Variants in GRM7 observed in about 807,000 individuals in gnomAD.
GRM7 encodes the protein glutamate metabotropic receptor 7, also known as metabotropic glutamate receptor 7.
GRM7 carries 35 observed loss-of-function variants against 84.5 expected under a neutral mutation model. The observed-to-expected ratio is 0.41, with a 90% CI of 0.32 to 0.55. The LOEUF (loss-of-function observed/expected upper bound fraction) is 0.55, where lower values mean the gene tolerates loss of function less well. GRM7 is among the 20% of genes least tolerant of loss of function. The pLI, the probability that GRM7 is intolerant of heterozygous loss-of-function variation, is 0.19. For synonymous variants in GRM7, 487 were observed against 455.1 expected (o/e 1.07, Z -0.89); for missense variants, 1,003 against 1,194.6 (o/e 0.84, Z 2.36).
chr3:6,989,262 A>G (rs557802737), intron 1 of GRM7, among the ~76,000 whole-genome samples: 21 of 152,196 alleles, frequency 1.4e-4, no homozygotes, highest in Non-Finnish European at 1.9e-4. Context: ...CATATATTTT[A>G]TGTATGTCAA....
intron 5 of GRM7, among the ~76,000 whole-genome samples, chr3:7,451,984 G>T (rs967136161): frequency 5.3e-5 from 8 of 152,180 alleles, no homozygotes; most frequent in Admixed American, 5.2e-4. Flanking sequence ...CATTGCACGT[G>T]ATGGAAAATG....
chr3:7,185,657 C>T (rs761060795), intron 2 of GRM7, among the ~76,000 whole-genome samples: 5 of 152,190 alleles, frequency 3.3e-5, no homozygotes, highest in Non-Finnish European at 7.3e-5. Flanking sequence ...CCCAGAGCAT[C>T]ACCATCACCT....
chr3:7,323,840 C>A (rs1227598956), intron 4 of GRM7, among the ~76,000 whole-genome samples: 1 of 152,098 alleles, frequency 6.6e-6, no homozygotes, highest in African/African-American at 2.4e-5. Context: ...GAAATGTAAT[C>A]TTGAAAGTAA....
At chr3:7,472,135 A>G (rs1030502158) in intron 7 of GRM7, among the ~76,000 whole-genome samples, 4 of 152,102 alleles carry the variant, frequency 2.6e-5, no homozygotes. Flanking sequence ...TCACTGTGTG[A>G]TCTCTGCACA....
rs538298067 is a variant in GRM7 at position 7,618,827 on chromosome 3, C to CAGAAAAGCCATT, written c.2451+39474_2451+39475insAAGCCATTAGAA. ...TGACAACTGCTTCCTGATGATAATA[C>CAGAAAAGCCATT]AGAAGGTCCAGTGCTGTTGACCTTA... On this transcript the variant is annotated intron_variant, in intron 8 of 9. Coordinates refer to ENST00000357716, the MANE Select transcript of GRM7 (RefSeq NM_000844.4). Among the ~76,000 whole-genome samples, 168 of 152,216 alleles carry CAGAAAAGCCATT rather than the reference C, an allele frequency of 1.1e-3. 1 individual carries two copies. Among genetic ancestry groups the CAGAAAAGCCATT allele is most frequent in the African/African-American group, 3.9e-3 (163 of 41,542 alleles).
At chr3:7,617,865 C>G (rs1697174742) in intron 8 of GRM7, among the ~76,000 whole-genome samples, 1 of 152,072 alleles carries the variant, frequency 6.6e-6, no homozygotes. Context: ...ACAATTTCAA[C>G]CCATCAATCA....
chr3:6,936,313 A>C (rs62235413), intron 1 of GRM7, among the ~76,000 whole-genome samples: 11,134 of 152,224 alleles, frequency 0.073, 559 homozygotes, highest in Non-Finnish European at 0.11. Context: ...CCCCATAAAC[A>C]GCTTTTCCTG....
At chr3:6,893,977 T>G (rs1321967961) in intron 1 of GRM7, 2 of 152,166 alleles carry the variant, frequency 1.3e-5, no homozygotes, top group Non-Finnish European at 2.9e-5. Context: ...TGGGGGCATA[T>G]GAACAGCTTC....
chr3:6,970,572 C>T (rs911608885), intron 1 of GRM7, among the ~76,000 whole-genome samples: 1 of 152,094 alleles, frequency 6.6e-6, no homozygotes, highest in Non-Finnish European at 1.5e-5. Context: ...GAGGGAAAGC[C>T]GTGGTGGGAA....
chr3:7,603,143 C>CA (rs1696401564), intron 8 of GRM7, among the ~76,000 whole-genome samples: 4 of 152,146 alleles, frequency 2.6e-5, no homozygotes, highest in African/African-American at 9.7e-5. Flanking sequence ...TGCCCATATA[C>CA]ATGCCCTTCG....
At chr3:7,645,540 C>T (rs886244724) in intron 8 of GRM7, among the ~76,000 whole-genome samples, 7 of 108,798 alleles carry the variant, frequency 6.4e-5, no homozygotes, top group Non-Finnish European at 1.2e-4. Context: ...GAGCAAGACT[C>T]CATCTTAAAA....
At position 7,332,531 on chromosome 3, in the gene GRM7, A is replaced by G. The variant is rs192595846; in HGVS notation, c.1033+25879A>G. On this transcript the variant is annotated intron_variant, in intron 4 of 9. Coordinates refer to ENST00000357716, the MANE Select transcript of GRM7 (RefSeq NM_000844.4). ...CCCTCTGGTTTATATATGAATGAATATCAGAATCAATAACAACCAAGTCTT... is the reference window on the plus strand; with the variant it reads ...CCCTCTGGTTTATATATGAATGAATGTCAGAATCAATAACAACCAAGTCTT... Among the ~76,000 whole-genome samples, 385 of 152,324 alleles carry G rather than the reference A, an allele frequency of 2.5e-3. 1 individual carries two copies. The highest frequency in any genetic ancestry group is 8.9e-3 in the African/African-American group (372 of 41,568).
At chr3:7,278,951 C>T (rs1699166118) in intron 2 of GRM7, among the ~76,000 whole-genome samples, 1 of 152,138 alleles carries the variant, frequency 6.6e-6, no homozygotes, top group Non-Finnish European at 1.5e-5. Context: ...GCTTTGTTCT[C>T]AAGGGAAAAC....
intron 1 of GRM7, among the ~76,000 whole-genome samples, chr3:6,980,146 T>G (rs1694142842): frequency 6.6e-6 from 1 of 152,130 alleles, no homozygotes; most frequent in Non-Finnish European, 1.5e-5. Context: ...ATTCTTTCAT[T>G]CTTTCACTCT....
At chr3:7,503,390 G>GCACA (rs145058096) in intron 7 of GRM7, among the ~76,000 whole-genome samples, 173 of 150,920 alleles carry the variant, frequency 1.1e-3, no homozygotes, top group African/African-American at 3.8e-3. Flanking sequence ...GCACGCACAT[G>GCACA]CACACACACA....
At chr3:6,887,934 G>A (rs1297036908) in intron 1 of GRM7, among the ~76,000 whole-genome samples, 1 of 152,180 alleles carries the variant, frequency 6.6e-6, no homozygotes, top group Non-Finnish European at 1.5e-5. Context: ...TAACTGGTGT[G>A]AGATAGTATC....
At chr3:6,877,410 G>T (rs1359387008) in intron 1 of GRM7, among the ~76,000 whole-genome samples, 3 of 152,128 alleles carry the variant, frequency 2.0e-5, no homozygotes, top group Non-Finnish European at 4.4e-5. Flanking sequence ...TGAAAAGTGG[G>T]TATGTTCATG....
chr3:7,244,153 G>A (rs778905536), intron 2 of GRM7, among the ~76,000 whole-genome samples: 2 of 152,010 alleles, frequency 1.3e-5, no homozygotes, highest in Admixed American at 6.6e-5. Context: ...TCACTAATAA[G>A]TTTAACTTAG....
At chr3:7,481,653 C>G (rs1210880265) in intron 7 of GRM7, among the ~76,000 whole-genome samples, 4 of 152,114 alleles carry the variant, frequency 2.6e-5, no homozygotes, top group Non-Finnish European at 5.9e-5. Context: ...TGGCCAAGCC[C>G]TCAGTACATT....
Sources: gnomAD v4.1 joint callset for allele counts (sites outside exome capture counted in the v4.1 genomes callset) on GRCh38, gnomAD v4.1.1 for gene constraint, MANE v1.5 for transcripts, NCBI Gene and HGNC (gene_info 2026-07-23, HGNC 2026-07-21) for gene names.